The following CAMTA1 variants were observed in gnomAD, a reference collection of about 807,000 sequenced individuals.
CAMTA1 encodes the protein calmodulin binding transcription activator 1, also known as calmodulin-binding transcription activator 1.
A neutral mutation model predicts 170.9 loss-of-function variants in CAMTA1; 27 were observed. That is an observed-to-expected ratio of 0.16 (90% CI 0.12 to 0.22). The LOEUF (loss-of-function observed/expected upper bound fraction) is 0.22. CAMTA1 is among the 10% of genes least tolerant of loss of function. The pLI, the probability that CAMTA1 is intolerant of heterozygous loss-of-function variation, is 1.00. For missense variants in CAMTA1, 1,619 were observed against 2,217.2 expected (o/e 0.73, Z 5.42); for synonymous variants, 833 against 891.5 (o/e 0.93, Z 1.17).
At position 7,264,783 on chromosome 1, in the gene CAMTA1, A is replaced by G. The variant is rs72641269; in HGVS notation, c.438+15157A>G. 5.7e-3 allele frequency among the ~76,000 whole-genome samples: 874 copies of G among 152,302 alleles called. 6 individuals are homozygous for G. The highest frequency in any genetic ancestry group is 0.011 in the Admixed American group (175 of 15,300). On this transcript the variant is annotated intron_variant, in intron 5 of 22. Coordinates refer to ENST00000303635, the MANE Select transcript of CAMTA1 (RefSeq NM_015215.4). ...AAGGGGAAAAAATATCGCAGACTTC[A>G]GTTCAGTGTAATTTTCCTTTCCTGC...
At chr1:7,322,148 G>A (rs1557513239) in intron 5 of CAMTA1, among the ~76,000 whole-genome samples, 1 of 152,196 alleles carries the variant, frequency 6.6e-6, no homozygotes, top group Non-Finnish European at 1.5e-5. Flanking sequence ...TGAGCCCGGT[G>A]TCTGACTCTG....
At chr1:7,505,786 A>G (rs1419013252) in intron 6 of CAMTA1, among the ~76,000 whole-genome samples, 2 of 152,190 alleles carry the variant, frequency 1.3e-5, no homozygotes, top group Non-Finnish European at 2.9e-5. Flanking sequence ...TGGTCTTCTC[A>G]GTCTGGGACG....
At chr1:7,632,019 T>TCGCCCAGTGC (rs751404267) in intron 6 of CAMTA1, among the ~76,000 whole-genome samples, 14 of 144,744 alleles carry the variant, frequency 9.7e-5, no homozygotes, top group Admixed American at 2.7e-4. Flanking sequence ...TCGCCCAGTG[T>TCGCCCAGTGC]CGCCCAGTGC....
rs1003355799 is a variant in CAMTA1 at position 7,685,147 on chromosome 1, C to T, written c.2914+7414C>T. Among the ~76,000 whole-genome samples the T allele has an allele frequency of 2.6e-5, 4 of 151,930 alleles. No homozygotes were observed. Among genetic ancestry groups the T allele is most frequent in the Non-Finnish European group, 5.9e-5 (4 of 67,968 alleles). On this transcript the variant is annotated intron_variant, in intron 11 of 22. Transcript: ENST00000303635. This position sits in a 1 kb window ranked among gnomAD's most constrained non-coding sequence, Gnocchi z 5.7. The stretch of plus-strand genomic sequence containing the variant: ...CACAGGTGGTGTGTTTTGAGGAGTT[C>T]GCAGGCACCGTCCTGAGGTCACAGG...
Position 7,663,479 on chromosome 1 carries a change from G to GCAAGCA in CAMTA1, c.934_939dup (p.Lys312_His313dup). ...GTGCAGCACAATGACGTGTCGGAGG[G>GCAAGCA]CAAGCACGAGCACAGCCACAGCAAG... On this transcript the variant is annotated inframe_insertion, in exon 9 of 23. Transcript: ENST00000303635. The GCAAGCA allele has an allele frequency of 6.3e-7, 1 of 1,597,496 alleles. No individual in the cohort carries two copies. The highest frequency in any genetic ancestry group is 1.3e-5 in the African/African-American group (1 of 74,830).
At chr1:7,457,542 G>A (rs1369076208) in intron 5 of CAMTA1, among the ~76,000 whole-genome samples, 1 of 152,228 alleles carries the variant, frequency 6.6e-6, no homozygotes, top group East Asian at 1.9e-4. Context: ...AGTGTCCCCG[G>A]GCCAGGCTGC....
chr1:7,542,145 T>C (rs993083666), intron 6 of CAMTA1, among the ~76,000 whole-genome samples: 2 of 152,188 alleles, frequency 1.3e-5, no homozygotes, highest in Non-Finnish European at 2.9e-5. Context: ...TTAGGCGTAC[T>C]CATAGTAGAA....
intron 1 of CAMTA1, among the ~76,000 whole-genome samples, chr1:6,814,447 T>G (rs577028346): frequency 6.6e-6 from 1 of 152,138 alleles, no homozygotes; most frequent in Non-Finnish European, 1.5e-5. Flanking sequence ...TATCATGCCT[T>G]TTCCTTATCT....
chr1:7,654,630 CTA>C (rs2095868563), intron 7 of CAMTA1, among the ~76,000 whole-genome samples: 4 of 138,472 alleles, frequency 2.9e-5, no homozygotes, highest in African/African-American at 1.1e-4. Flanking sequence ...ACACACCCAT[CTA>C]TACACACACA....
intron 6 of CAMTA1, among the ~76,000 whole-genome samples, chr1:7,525,638 A>G (rs2094423039): frequency 6.6e-6 from 1 of 152,002 alleles, no homozygotes; most frequent in Non-Finnish European, 1.5e-5. Context: ...CCCCAGAACA[A>G]TCCCAGCTGG....
intron 5 of CAMTA1, among the ~76,000 whole-genome samples, chr1:7,262,382 T>C (rs1668306069): frequency 6.6e-6 from 1 of 151,842 alleles, no homozygotes; most frequent in African/African-American, 2.4e-5. Context: ...GCCAACATGG[T>C]GAAACCCCGT....
At chr1:7,762,000 T>A (rs935596554) in intron 22 of CAMTA1, among the ~76,000 whole-genome samples, 1 of 152,048 alleles carries the variant, frequency 6.6e-6, no homozygotes, top group Non-Finnish European at 1.5e-5. Flanking sequence ...AAAAAAATTT[T>A]AAAATTAGCC....
Position 7,065,555 on chromosome 1 carries a change from G to T in CAMTA1, c.235-25749G>T, listed in dbSNP as rs572804786. Among the ~76,000 whole-genome samples the T allele has an allele frequency of 1.3e-5, 2 of 152,154 alleles. No homozygotes were observed. The highest frequency in any genetic ancestry group is 2.9e-5 in the Non-Finnish European group (2 of 68,036). On this transcript the variant is annotated intron_variant, in intron 3 of 22. Coordinates refer to ENST00000303635, the MANE Select transcript of CAMTA1 (RefSeq NM_015215.4). The surrounding 1 kb of genome is among the most constrained non-coding windows in gnomAD (Gnocchi z 5.2). ...AGTGAGGTCCTGGAGGAGGGGACAGGAGATGGGATCCAGGGCGCAGCTGGA... is the reference window on the plus strand; with the variant it reads ...AGTGAGGTCCTGGAGGAGGGGACAGTAGATGGGATCCAGGGCGCAGCTGGA...
At chr1:7,085,818 A>G (rs1057334751) in intron 3 of CAMTA1, among the ~76,000 whole-genome samples, 19 of 151,980 alleles carry the variant, frequency 1.3e-4, no homozygotes, top group Middle Eastern at 6.8e-3. Flanking sequence ...CTCTATCAAA[A>G]CCCATCAGCT....
intron 5 of CAMTA1, among the ~76,000 whole-genome samples, chr1:7,402,132 T>C (rs992737083): frequency 9.2e-5 from 14 of 152,258 alleles, no homozygotes; most frequent in Non-Finnish European, 2.1e-4. Context: ...TGAGACCTGG[T>C]AGTTTTGTGG....
At position 6,906,550 on chromosome 1, in the gene CAMTA1, C is replaced by T. The variant is rs147115721; in HGVS notation, c.234+81340C>T. On this transcript the variant is annotated intron_variant, in intron 3 of 22. Coordinates refer to ENST00000303635, the MANE Select transcript of CAMTA1 (RefSeq NM_015215.4). Reference sequence around the variant, plus strand: ...CGGGAGATGTGCCAGGGACTTTGGCCATGGGAGCAATGGAGTTGGGCACTT... The same window carrying T: ...CGGGAGATGTGCCAGGGACTTTGGCTATGGGAGCAATGGAGTTGGGCACTT... Among the ~76,000 whole-genome samples the T allele has an allele frequency of 5.3e-3, 813 of 152,206 alleles. 8 individuals are homozygous for T. Among genetic ancestry groups the T allele is most frequent in the African/African-American group, 0.018 (738 of 41,528 alleles).
intron 5 of CAMTA1, among the ~76,000 whole-genome samples, chr1:7,409,581 G>C (rs920005107): frequency 2.6e-5 from 4 of 152,140 alleles, no homozygotes; most frequent in African/African-American, 9.7e-5. Context: ...ACTATCACCT[G>C]TCCCAGGTTT....
At chr1:6,801,190 A>G (rs1453406315) in intron 1 of CAMTA1, among the ~76,000 whole-genome samples, 2 of 152,238 alleles carry the variant, frequency 1.3e-5, no homozygotes, top group African/African-American at 2.4e-5. Context: ...GGGAAGGAAC[A>G]TCAGGCTTTC....
At chr1:7,601,697 G>A (rs1222757637) in intron 6 of CAMTA1, among the ~76,000 whole-genome samples, 5 of 152,238 alleles carry the variant, frequency 3.3e-5, no homozygotes, top group African/African-American at 4.8e-5. Flanking sequence ...CCGGCACCTC[G>A]GGAGGCCGAG....
Sources: allele counts gnomAD v4.1 joint callset (sites outside exome capture counted in the v4.1 genomes callset), GRCh38; gene constraint gnomAD v4.1.1; non-coding constraint Gnocchi (gnomAD v3.1); transcripts MANE v1.5; gene names NCBI Gene and HGNC (gene_info 2026-07-23, HGNC 2026-07-21).